The following SLC16A7 variants were observed in gnomAD, a reference collection of about 807,000 sequenced individuals.
SLC16A7 encodes solute carrier family 16 member 7, also known as monocarboxylate transporter 2.
In SLC16A7, 33 loss-of-function variants were observed where a neutral mutation model predicts 34.9. The observed-to-expected ratio is 0.94, with a 90% confidence interval of 0.72 to 1.26. The LOEUF is 1.26. Among genes scored for constraint, SLC16A7 ranks in the 50% most tolerant of loss-of-function variants. SLC16A7 has a pLI of 0.00. For synonymous variants in SLC16A7, 201 were observed against 206.6 expected (o/e 0.97, Z 0.23); for missense variants, 573 against 578.1 (o/e 0.99, Z 0.09).
intron 1 of SLC16A7, among the ~76,000 whole-genome samples, chr12:59,654,691 G>GCA (rs757897535): frequency 1.6e-3 from 220 of 137,560 alleles, no homozygotes; most frequent in East Asian, 6.0e-3. Flanking sequence ...ACATAGGCAT[G>GCA]CACACACACA....
chr12:59,648,205 C>A (rs559168346), intron 1 of SLC16A7, among the ~76,000 whole-genome samples: 1 of 152,196 alleles, frequency 6.6e-6, no homozygotes, highest in Admixed American at 6.5e-5. Context: ...ACTGGACAGG[C>A]CTTGGGGTCC....
intron 2 of SLC16A7, among the ~76,000 whole-genome samples, chr12:59,704,302 T>TA (rs962022525): frequency 4.0e-4 from 58 of 146,210 alleles, no homozygotes; most frequent in Non-Finnish European, 7.4e-4. Context: ...CAGAAAGCAA[T>TA]AAAAAAAGCC....
At chr12:59,665,441 A>C (rs1321913711) in intron 2 of SLC16A7, among the ~76,000 whole-genome samples, 1 of 151,580 alleles carries the variant, frequency 6.6e-6, no homozygotes. Flanking sequence ...TACTTTGTTG[A>C]AAAAAAATAG....
chr12:59,603,888 A>G (rs1453398822), intron 1 of SLC16A7, among the ~76,000 whole-genome samples: 3 of 152,222 alleles, frequency 2.0e-5, no homozygotes, highest in African/African-American at 4.8e-5. Context: ...GTTCTTTTAA[A>G]GGCAGTTCTA....
At chr12:59,691,251 G>T (rs1333136227) in intron 2 of SLC16A7, among the ~76,000 whole-genome samples, 1 of 152,008 alleles carries the variant, frequency 6.6e-6, no homozygotes, top group East Asian at 1.9e-4. Context: ...CAAGCTTGCG[G>T]ATTGCAGCTC....
intron 3 of SLC16A7, among the ~76,000 whole-genome samples, chr12:59,728,981 G>T (rs1162369103): frequency 2.6e-5 from 4 of 152,110 alleles, no homozygotes; most frequent in Non-Finnish European, 5.9e-5. Context: ...TTTCCAATTT[G>T]TCTCAACTTT....
chr12:59,647,085 T>C (rs952063529), intron 1 of SLC16A7, among the ~76,000 whole-genome samples: 4 of 152,144 alleles, frequency 2.6e-5, no homozygotes, highest in African/African-American at 9.7e-5. Context: ...CTTGGACTTT[T>C]AGGTTAATGC....
At chr12:59,711,024 AT>A (rs1435853452) in intron 3 of SLC16A7, among the ~76,000 whole-genome samples, 3 of 152,176 alleles carry the variant, frequency 2.0e-5, no homozygotes, top group Non-Finnish European at 4.4e-5. Context: ...TCAGCCTCAT[AT>A]TTCAGCTCAA....
At chr12:59,776,036 G>T (rs932990234) in intron 5 of SLC16A7, among the ~76,000 whole-genome samples, 2 of 152,020 alleles carry the variant, frequency 1.3e-5, no homozygotes, top group Non-Finnish European at 2.9e-5. Context: ...TTTTTTGAGG[G>T]CCACTCATGT....
Position 59,782,089 on chromosome 12 carries a change from T to C in SLC16A7, c.*2410T>C, listed in dbSNP as rs1019831104. 37 of 152,166 alleles carry C rather than the reference T, an allele frequency of 2.4e-4. No homozygotes were observed. The highest frequency in any genetic ancestry group is 7.7e-4 in the African/African-American group (32 of 41,462). 9.4% of individuals were successfully genotyped at this position (152,166 alleles called of 1,614,324 possible). On this transcript the variant is annotated 3_prime_UTR_variant, in exon 6 of 6. Coordinates refer to ENST00000547379, the MANE Select transcript of SLC16A7 (RefSeq NM_001270623.2). ...TATTTATTTCTAACACTGTATTAAA[T>C]TGTTAGAAAAGAAAGTAAAACTTGC...
chr12:59,752,402 G>A (rs550808583), intron 3 of SLC16A7, among the ~76,000 whole-genome samples: 3 of 152,296 alleles, frequency 2.0e-5, no homozygotes, highest in South Asian at 4.1e-4. Flanking sequence ...ATACAGAGAA[G>A]TGCTTAAAGG....
At chr12:59,749,747 T>A (rs1333378049) in intron 3 of SLC16A7, among the ~76,000 whole-genome samples, 3 of 152,180 alleles carry the variant, frequency 2.0e-5, no homozygotes, top group Non-Finnish European at 4.4e-5. Context: ...TCACAAGATT[T>A]ATGATAGAGC....
chr12:59,631,776 C>G (rs148708846), intron 1 of SLC16A7, among the ~76,000 whole-genome samples: 12 of 151,992 alleles, frequency 7.9e-5, no homozygotes, highest in African/African-American at 2.9e-4. Context: ...AACATGCAGT[C>G]TTTGGTTTTC....
chr12:59,695,873 A>G (rs1268453617), intron 2 of SLC16A7, among the ~76,000 whole-genome samples: 1 of 152,070 alleles, frequency 6.6e-6, no homozygotes, highest in Non-Finnish European at 1.5e-5. Context: ...TGTCGCCCCG[A>G]TTTGATTAGG....
intron 3 of SLC16A7, among the ~76,000 whole-genome samples, chr12:59,717,015 G>A (rs1038248005): frequency 1.3e-5 from 2 of 152,194 alleles, no homozygotes; most frequent in African/African-American, 2.4e-5. Context: ...AATGATAGGT[G>A]TTTTGGCAAC....
chr12:59,776,713 A>G (rs993843180), intron 5 of SLC16A7, among the ~76,000 whole-genome samples: 2 of 152,028 alleles, frequency 1.3e-5, no homozygotes, highest in African/African-American at 4.8e-5. Context: ...TTAGGAATGT[A>G]TCAGTCGGCT....
At chr12:59,662,789 C>T (rs1868924572) in intron 2 of SLC16A7, among the ~76,000 whole-genome samples, 1 of 152,096 alleles carries the variant, frequency 6.6e-6, no homozygotes, top group South Asian at 2.1e-4. Context: ...TCAGTTCATT[C>T]TATTTGCTAT....
chr12:59,724,177 A>G (rs1875962769), intron 3 of SLC16A7, among the ~76,000 whole-genome samples: 1 of 152,054 alleles, frequency 6.6e-6, no homozygotes, highest in African/African-American at 2.4e-5. Context: ...TTAGATCTTC[A>G]GCAGAATACA....
In SLC16A7 at chr12:59,644,277, AAAGTCTTG is replaced by A. The variant is rs1336794298; in HGVS notation, c.-129-10874_-129-10867del. The stretch of plus-strand genomic sequence containing the variant: ...GGCTTTAGTGCGCATCAAAAGTTAT[AAAGTCTTG>A]TCCGGGCACGGTAGCTCATGACTGT... On this transcript the variant is annotated intron_variant, in intron 1 of 5. Coordinates refer to ENST00000547379, the MANE Select transcript of SLC16A7 (RefSeq NM_001270623.2). 4.6e-5 allele frequency among the ~76,000 whole-genome samples: 7 copies of A among 152,292 alleles called. No individual in the cohort carries two copies. In the East Asian group the frequency reaches 1.4e-3, roughly 29 times the overall value.
Sources: gnomAD v4.1 joint callset for allele counts (sites outside exome capture counted in the v4.1 genomes callset) on GRCh38, gnomAD v4.1.1 for gene constraint, MANE v1.5 for transcripts, NCBI Gene and HGNC (gene_info 2026-07-23, HGNC 2026-07-21) for gene names.